The following ALK variants were observed in gnomAD, a reference collection of about 807,000 sequenced individuals.
The protein encoded by ALK is ALK receptor tyrosine kinase.
A neutral mutation model predicts 163.1 loss-of-function variants in ALK; 74 were observed. That is an observed-to-expected ratio of 0.45 (90% CI 0.38 to 0.55). The LOEUF (loss-of-function observed/expected upper bound fraction) is 0.55, where lower values mean the gene tolerates loss of function less well. Among genes scored for constraint, ALK ranks in the 20% least tolerant of loss-of-function variants. The pLI is 0.00. For missense variants in ALK, 2,063 were observed against 2,105.3 expected, an observed-to-expected ratio of 0.98 and a Z score of 0.39; for synonymous variants, 960 against 843.2, an observed-to-expected ratio of 1.14 and a Z score of -2.40.
chr2:29,271,429 G>A (rs1193746466), intron 11 of ALK, among the ~76,000 whole-genome samples: 1 of 152,238 alleles, frequency 6.6e-6, no homozygotes, highest in Non-Finnish European at 1.5e-5. Flanking sequence ...TCACTTCTGG[G>A]CACATTAGCA....
At chr2:29,239,544 C>CTGTT in intron 13 of ALK, 136 bp downstream of exon 13, 1 of 1,127,086 alleles carries the variant, frequency 8.9e-7, no homozygotes, top group Non-Finnish European at 1.3e-6. Flanking sequence ...TGCAAAGCTG[C>CTGTT]TGTTTAATTA....
chr2:29,715,936 G>A (rs1019375780), intron 2 of ALK, among the ~76,000 whole-genome samples: 3 of 152,188 alleles, frequency 2.0e-5, no homozygotes, highest in Non-Finnish European at 4.4e-5. Context: ...CAGCACAGAA[G>A]ATAATTATAA....
intron 4 of ALK, among the ~76,000 whole-genome samples, chr2:29,461,723 T>G (rs1671088016): frequency 6.6e-6 from 1 of 152,192 alleles, no homozygotes; most frequent in Admixed American, 6.5e-5. Flanking sequence ...AAGTCAATAT[T>G]GTATTCATTC....
At chr2:29,328,624 T>C in intron 5 of ALK, 143 bp from the exon 6 acceptor site, 1 of 1,157,140 alleles carries the variant, frequency 8.6e-7, no homozygotes, top group Non-Finnish European at 1.3e-6. Context: ...GATTGAGACA[T>C]CTGCATCTCC....
intron 3 of ALK, among the ~76,000 whole-genome samples, chr2:29,615,426 T>G (rs1392751272): frequency 6.6e-6 from 1 of 152,238 alleles, no homozygotes; most frequent in Admixed American, 6.5e-5. Flanking sequence ...CTGTCTGTGC[T>G]GTGGTTCCCT....
At chr2:29,767,213 G>C (rs2148341493) in intron 1 of ALK, among the ~76,000 whole-genome samples, 1 of 152,290 alleles carries the variant, frequency 6.6e-6, no homozygotes, top group East Asian at 1.9e-4. Flanking sequence ...AGAAGATCAA[G>C]CTTAAACAGG....
intron 3 of ALK, among the ~76,000 whole-genome samples, chr2:29,677,144 A>G (rs1677897705): frequency 6.7e-6 from 1 of 149,408 alleles, no homozygotes; most frequent in Non-Finnish European, 1.5e-5. Context: ...CTCCCTCCCT[A>G]TTTTATCCTT....
At chr2:29,469,404 G>T (rs1377317088) in intron 4 of ALK, among the ~76,000 whole-genome samples, 2 of 152,184 alleles carry the variant, frequency 1.3e-5, no homozygotes, top group Non-Finnish European at 2.9e-5. Context: ...GTGGTCTTCA[G>T]ATACTAGTTT....
At chr2:29,650,706 T>C (rs1677013902) in intron 3 of ALK, among the ~76,000 whole-genome samples, 1 of 152,116 alleles carries the variant, frequency 6.6e-6, no homozygotes, top group South Asian at 2.1e-4. Flanking sequence ...CCATACCCGA[T>C]GAGGTCTCCG....
At chr2:29,791,045 T>C (rs1356709222) in intron 1 of ALK, among the ~76,000 whole-genome samples, 4 of 152,218 alleles carry the variant, frequency 2.6e-5, no homozygotes, top group African/African-American at 9.7e-5. Context: ...CTTTCCTTTA[T>C]CTTATTTTTC....
intron 1 of ALK, among the ~76,000 whole-genome samples, chr2:29,729,019 T>A (rs1368841079): frequency 6.6e-6 from 1 of 152,208 alleles, no homozygotes; most frequent in East Asian, 1.9e-4. Context: ...GTAACAGGAC[T>A]GACCTGACTT....
chr2:29,199,868 T>C (rs996553688), intron 26 of ALK, among the ~76,000 whole-genome samples: 2 of 152,208 alleles, frequency 1.3e-5, no homozygotes, highest in Non-Finnish European at 2.9e-5. Context: ...TTAGCAAATA[T>C]TACCACAAAA....
In ALK at chr2:29,588,743, C is replaced by T. The variant is rs189585112; in HGVS notation, c.953-56627G>A. Among the ~76,000 whole-genome samples, 56 of 152,270 alleles carry T rather than the reference C, an allele frequency of 3.7e-4. No individual in the cohort carries two copies. The East Asian group carries it at 8.9e-3, about 24-fold the overall frequency. On this transcript the variant is annotated intron_variant, in intron 3 of 28. Coordinates refer to ENST00000389048, the MANE Select transcript of ALK (RefSeq NM_004304.5). ...ACAATATGTAAGCAAATGAGTTTGG[C>T]TATTTCCTAACTAAACTTCATTTAT...
chr2:29,873,888 C>A (rs898419444), intron 1 of ALK, among the ~76,000 whole-genome samples: 3 of 151,954 alleles, frequency 2.0e-5, no homozygotes, highest in Non-Finnish European at 4.4e-5. Context: ...CTTTTAATGT[C>A]CCCAACAAAG....
intron 1 of ALK, among the ~76,000 whole-genome samples, chr2:29,788,816 T>G (rs1664111241): frequency 6.6e-6 from 1 of 152,214 alleles, no homozygotes; most frequent in South Asian, 2.1e-4. Flanking sequence ...AAATACAGCC[T>G]AAGAAGTAAC....
chr2:29,659,590 A>G (rs1677289480), intron 3 of ALK, among the ~76,000 whole-genome samples: 1 of 152,138 alleles, frequency 6.6e-6, no homozygotes, highest in Non-Finnish European at 1.5e-5. Flanking sequence ...TGAATCATCC[A>G]TTCTCTCAGG....
chr2:29,558,743 T>C (rs780440979), intron 3 of ALK, among the ~76,000 whole-genome samples: 1 of 152,160 alleles, frequency 6.6e-6, no homozygotes, highest in Non-Finnish European at 1.5e-5. Context: ...ACCGTATGCC[T>C]GTGTTTCCAG....
At chr2:29,754,072 G>C (rs1383239939) in intron 1 of ALK, among the ~76,000 whole-genome samples, 1 of 152,160 alleles carries the variant, frequency 6.6e-6, no homozygotes, top group Non-Finnish European at 1.5e-5. Flanking sequence ...GAATTGGCTG[G>C]CCCCAAGCCA....
At chr2:29,661,325 C>T (rs1341133312) in intron 3 of ALK, among the ~76,000 whole-genome samples, 1 of 152,144 alleles carries the variant, frequency 6.6e-6, no homozygotes, top group Non-Finnish European at 1.5e-5. Context: ...TAGTTAGGGG[C>T]TTTCTAACAG....
Sources: gnomAD v4.1 joint callset for allele counts (sites outside exome capture counted in the v4.1 genomes callset) on GRCh38, gnomAD v4.1.1 for gene constraint, MANE v1.5 for transcripts, NCBI Gene and HGNC (gene_info 2026-07-23, HGNC 2026-07-21) for gene names.